The following TAF4 variants were observed in gnomAD, a reference collection of about 807,000 sequenced individuals.
The protein encoded by TAF4 is transcription initiation factor TFIID subunit 4.
In TAF4, 9 loss-of-function variants were observed where a neutral mutation model predicts 90.3. The ratio of observed to expected loss-of-function variants is 0.10; its 90% CI spans 0.06 to 0.17. The LOEUF is 0.17. TAF4 is among the 10% of genes least tolerant of loss of function. The probability of loss-of-function intolerance (pLI) is 1.00; values close to 1 mark genes in which losing one functional copy is unlikely to be tolerated. For missense variants in TAF4, 1,351 were observed against 1,370.7 expected (o/e 0.99, Z 0.23); for synonymous variants, 818 against 638.9 (o/e 1.28, Z -4.23).
chr20:62,052,949 A>G (rs1305991357), intron 1 of TAF4, among the ~76,000 whole-genome samples: 2 of 147,406 alleles, frequency 1.4e-5, no homozygotes, highest in Non-Finnish European at 3.0e-5. Flanking sequence ...CCTTCACACC[A>G]TACCCCATGA....
intron 1 of TAF4, among the ~76,000 whole-genome samples, chr20:62,053,990 G>T (rs1475483829): frequency 6.6e-6 from 1 of 152,222 alleles, no homozygotes; most frequent in African/African-American, 2.4e-5. Context: ...CCACCAGCTG[G>T]GGGGAGCCCA....
At chr20:62,031,356 T>A (rs1036363201) in intron 1 of TAF4, among the ~76,000 whole-genome samples, 3 of 152,216 alleles carry the variant, frequency 2.0e-5, no homozygotes, top group Non-Finnish European at 4.4e-5. Flanking sequence ...GTGAGCATGC[T>A]GGCTGGGCCC....
chr20:62,047,799 G>A (rs976312798), intron 1 of TAF4, among the ~76,000 whole-genome samples: 4 of 152,208 alleles, frequency 2.6e-5, no homozygotes, highest in Non-Finnish European at 4.4e-5. Context: ...ACAGGAACAC[G>A]GCAGAATACA....
At chr20:61,997,466 T>C in intron 14 of TAF4, 84 bp downstream of exon 14, 2 of 1,344,880 alleles carry the variant, frequency 1.5e-6, no homozygotes, top group Admixed American at 2.9e-5. Context: ...AATTCCCCTA[T>C]GTGTGTCCGT....
chr20:62,034,808 G>A (rs1600853989), intron 1 of TAF4, among the ~76,000 whole-genome samples: 1 of 147,044 alleles, frequency 6.8e-6, no homozygotes, highest in East Asian at 2.2e-4. Context: ...CATGGATATA[G>A]TCACTATCTC....
intron 1 of TAF4, among the ~76,000 whole-genome samples, chr20:62,060,028 G>A (rs920294860): frequency 6.6e-5 from 10 of 152,218 alleles, no homozygotes; most frequent in African/African-American, 1.4e-4. Flanking sequence ...ATGCGGACAC[G>A]CCCACCAGTC....
chr20:62,008,813 G>A lies in TAF4; in HGVS notation c.1884+239C>T, dbSNP rs28382070. 7.3e-3 allele frequency: 2,948 copies of A among 401,740 alleles called. 80 individuals carry two copies. The highest frequency in any genetic ancestry group is 0.055 in the African/African-American group (2,669 of 48,464). 24.9% of individuals were successfully genotyped at this position (401,740 alleles called of 1,614,324 possible). On this transcript the variant is annotated intron_variant, in intron 5 of 14. Transcript: ENST00000252996. ...ACAAGGGACGCAGGCACCAGAAAAC[G>A]GCAAAGCCCGGGAGACCTCCAGGCG... is the stretch of plus-strand genomic sequence containing the variant.
chr20:61,988,718 G>A (rs991099951), intron 14 of TAF4, among the ~76,000 whole-genome samples: 10 of 152,050 alleles, frequency 6.6e-5, no homozygotes, highest in African/African-American at 9.7e-5. Context: ...AAACAACTGC[G>A]AAACAACTGC....
chr20:62,064,370 C>T (rs2056108909), intron 1 of TAF4, 81 bp downstream of exon 1: 1 of 1,265,184 alleles, frequency 7.9e-7, no homozygotes, highest in Non-Finnish European at 1.0e-6. Flanking sequence ...CCTTAGCATT[C>T]CACCAGCGGA....
chr20:61,982,773 C>T (rs1414201373), intron 14 of TAF4, among the ~76,000 whole-genome samples: 1 of 152,030 alleles, frequency 6.6e-6, no homozygotes, highest in Admixed American at 6.5e-5. Flanking sequence ...CTCTGAGATG[C>T]AACCTCATAC....
intron 1 of TAF4, among the ~76,000 whole-genome samples, chr20:62,038,545 C>T (rs1231446525): frequency 6.6e-6 from 1 of 151,836 alleles, no homozygotes; most frequent in Non-Finnish European, 1.5e-5. Context: ...TAAAGGACCA[C>T]GTACATGGCA....
chr20:62,009,206 A>G, intron 4 of TAF4, 32 bp from the exon 5 acceptor site: 1 of 1,580,504 alleles, frequency 6.3e-7, no homozygotes, highest in South Asian at 1.2e-5. Flanking sequence ...TAAGTGAAAA[A>G]TCTTAAAAGG....
chr20:62,003,717 C>T lies in TAF4; in HGVS notation c.2371+14G>A, dbSNP rs759575754. ...CCTTGGTGTTGAGCGGCCAGGGGCC[C>T]GCGAGGCCCTCACCTGGCTGCAGTG... On this transcript the variant is annotated intron_variant, in intron 8 of 14. Transcript: ENST00000252996. 71 of 1,570,522 alleles carry T rather than the reference C, an allele frequency of 4.5e-5. No homozygotes were observed. Among genetic ancestry groups the T allele is most frequent in the Middle Eastern group, 1.7e-4 (1 of 5,860 alleles).
At chr20:62,007,676 AT>A in intron 5 of TAF4, 40 bp from the exon 6 acceptor site, 2 of 1,548,586 alleles carry the variant, frequency 1.3e-6, no homozygotes, top group Non-Finnish European at 1.8e-6. Flanking sequence ...GGTGAATGAG[AT>A]TCCACACACA....
At chr20:62,030,420 A>G (rs957378129) in intron 1 of TAF4, among the ~76,000 whole-genome samples, 1 of 152,226 alleles carries the variant, frequency 6.6e-6, no homozygotes, top group South Asian at 2.1e-4. Flanking sequence ...CATAATTTAA[A>G]ACAGCTCTGA....
rs1035078252 is a variant in TAF4 at position 62,009,192 on chromosome 20, G to C, written c.1762-18C>G. 1.9e-6 allele frequency: 3 copies of C among 1,589,852 alleles called. No homozygotes were observed. The highest frequency in any genetic ancestry group is 2.6e-6 in the Non-Finnish European group (3 of 1,169,762). ...ATAGTTTCCTGGATTAAAGTAAAAAGATATAAGTGAAAAATCTTAAAAGGC... is the reference window on the plus strand; with the variant it reads ...ATAGTTTCCTGGATTAAAGTAAAAACATATAAGTGAAAAATCTTAAAAGGC... On this transcript the variant is annotated intron_variant, in intron 4 of 14. Coordinates refer to ENST00000252996, the MANE Select transcript of TAF4 (RefSeq NM_003185.4).
At chr20:62,040,234 T>A (rs367917965) in intron 1 of TAF4, among the ~76,000 whole-genome samples, 1 of 152,356 alleles carries the variant, frequency 6.6e-6, no homozygotes, top group East Asian at 1.9e-4. Flanking sequence ...ACCCATCAAC[T>A]GGTAACCAGA....
chr20:62,005,053 T>G (rs1285075969), intron 7 of TAF4: 1 of 152,302 alleles, frequency 6.6e-6, no homozygotes, highest in Non-Finnish European at 1.5e-5. Flanking sequence ...GCAGAACATG[T>G]GTGGGGACCT....
chr20:61,994,689 G>A (rs1349395173), intron 14 of TAF4, among the ~76,000 whole-genome samples: 2 of 152,320 alleles, frequency 1.3e-5, no homozygotes, highest in African/African-American at 2.4e-5. Flanking sequence ...AACAGTCCTG[G>A]TGGGGAGGGG....
Sources: allele counts gnomAD v4.1 joint callset (sites outside exome capture counted in the v4.1 genomes callset), GRCh38; gene constraint gnomAD v4.1.1; transcripts MANE v1.5; gene names NCBI Gene and HGNC (gene_info 2026-07-23, HGNC 2026-07-21).